The following EBF1 variants were observed in gnomAD, a reference collection of about 807,000 sequenced individuals.
The protein encoded by EBF1 is EBF transcription factor 1, also known as transcription factor COE1.
Under a neutral mutation model 68.4 loss-of-function variants are expected in EBF1, and 10 were observed. The observed-to-expected ratio is 0.15, with a 90% CI of 0.09 to 0.25. The LOEUF (loss-of-function observed/expected upper bound fraction) is 0.25, where lower values mean the gene tolerates loss of function less well. Ranked by LOEUF, EBF1 falls within the 10% of genes least tolerant of loss-of-function variation. The pLI is 1.00. For synonymous variants in EBF1, 298 were observed against 299.8 expected (o/e 0.99, Z 0.06); for missense variants, 509 against 794.4 (o/e 0.64, Z 4.32).
At chr5:159,085,454 T>A (rs1780457806) in intron 4 of EBF1, among the ~76,000 whole-genome samples, 1 of 152,150 alleles carries the variant, frequency 6.6e-6, no homozygotes, top group Non-Finnish European at 1.5e-5. Context: ...GCCCAAATAG[T>A]TTTTTCTATT....
chr5:158,776,250 G>A (rs1411354387), intron 10 of EBF1, among the ~76,000 whole-genome samples: 1 of 151,960 alleles, frequency 6.6e-6, no homozygotes, highest in Non-Finnish European at 1.5e-5. Flanking sequence ...CCTGCATTTT[G>A]TTTAAAGGGC....
In EBF1 at chr5:159,057,696, C is replaced by T. The variant is rs532065227; in HGVS notation, c.554+15700G>A. On this transcript the variant is annotated intron_variant, in intron 6 of 15. Transcript: ENST00000313708. ...GCAACATTGCTGTGCTTCTCTTGGCCTCAGCTTTCTCATCTTTAAAATGAA... is the reference window on the plus strand; with the variant it reads ...GCAACATTGCTGTGCTTCTCTTGGCTTCAGCTTTCTCATCTTTAAAATGAA... Among the ~76,000 whole-genome samples the T allele has an allele frequency of 3.3e-5, 5 of 152,326 alleles. No individual in the cohort carries two copies. The South Asian group carries it at 1.0e-3, about 32-fold the overall frequency.
chr5:158,748,940 A>G (rs1156871350), intron 10 of EBF1, among the ~76,000 whole-genome samples: 1 of 152,176 alleles, frequency 6.6e-6, no homozygotes, highest in Non-Finnish European at 1.5e-5. Flanking sequence ...CTCTCTTGAA[A>G]TATTTGGCCT....
chr5:158,802,754 A>C (rs1780841091), intron 8 of EBF1, among the ~76,000 whole-genome samples: 1 of 152,174 alleles, frequency 6.6e-6, no homozygotes, highest in Non-Finnish European at 1.5e-5. Context: ...AGTTTCCATA[A>C]GGGCACTCAC....
At chr5:158,989,210 TTCCAGCACGAA>T (rs1759772316) in intron 6 of EBF1, among the ~76,000 whole-genome samples, 1 of 152,174 alleles carries the variant, frequency 6.6e-6, no homozygotes, top group Admixed American at 6.5e-5. Context: ...ACCTCTCTTG[TTCCAGCACGAA>T]ACAGAAAAGA....
Position 158,948,518 on chromosome 5 carries a change from A to G in EBF1, c.555-108408T>C, listed in dbSNP as rs183068509. Reference sequence around the variant, plus strand: ...TTTATCTATTCCACTGGGATTAAGCATGGCCTAGAATCCCAGCTTGAAAGG... The same window carrying G: ...TTTATCTATTCCACTGGGATTAAGCGTGGCCTAGAATCCCAGCTTGAAAGG... On this transcript the variant is annotated intron_variant, in intron 6 of 15. Coordinates refer to ENST00000313708, the MANE Select transcript of EBF1 (RefSeq NM_024007.5). Among the ~76,000 whole-genome samples, 78 of 152,216 alleles carry G rather than the reference A, an allele frequency of 5.1e-4. 1 individual carries two copies. The highest frequency in any genetic ancestry group is 5.1e-3 in the Admixed American group (78 of 15,286).
chr5:158,807,181 G>A (rs999974479), intron 8 of EBF1, among the ~76,000 whole-genome samples: 3 of 151,992 alleles, frequency 2.0e-5, no homozygotes, highest in African/African-American at 7.2e-5. Flanking sequence ...CAATATAGGG[G>A]GTGCCCTCCA....
chr5:159,073,310 C>T (rs1778159789), intron 6 of EBF1, 86 bp downstream of exon 6: 1 of 1,438,534 alleles, frequency 7.0e-7, no homozygotes, highest in South Asian at 1.2e-5. Context: ...CACATGCATT[C>T]CTAACCCTCG....
In EBF1 at chr5:158,756,807, G is replaced by A. The variant is rs375081439; in HGVS notation, c.1036+20606C>T. Reference sequence around the variant, plus strand: ...ACAAGCAGAACAGTGTGAAATTCATGCATGTGCCACGGTTTGTGTGTGCCT... The same window carrying A: ...ACAAGCAGAACAGTGTGAAATTCATACATGTGCCACGGTTTGTGTGTGCCT... On this transcript the variant is annotated intron_variant, in intron 10 of 15. Transcript: ENST00000313708. 1.5e-4 allele frequency among the ~76,000 whole-genome samples: 23 copies of A among 151,934 alleles called. 4 individuals carry two copies. The highest frequency in any genetic ancestry group is 2.1e-4 in the South Asian group (1 of 4,798).
At chr5:158,699,932 G>C (rs1756365864) in intron 15 of EBF1, among the ~76,000 whole-genome samples, 1 of 152,236 alleles carries the variant, frequency 6.6e-6, no homozygotes, top group Non-Finnish European at 1.5e-5. Flanking sequence ...GCAGATAGTG[G>C]TATTTAGAGA....
chr5:159,092,503 T>A (rs151167748), intron 4 of EBF1, among the ~76,000 whole-genome samples: 1 of 152,220 alleles, frequency 6.6e-6, no homozygotes, highest in African/African-American at 2.4e-5. Flanking sequence ...AATGAGACAC[T>A]TTGAAAAGGT....
intron 6 of EBF1, among the ~76,000 whole-genome samples, chr5:158,984,527 T>C (rs1758593840): frequency 6.6e-6 from 1 of 152,158 alleles, no homozygotes; most frequent in African/African-American, 2.4e-5. Flanking sequence ...GAGTGCCGTT[T>C]TCAATTTTCT....
intron 6 of EBF1, among the ~76,000 whole-genome samples, chr5:158,936,156 C>G (rs1811976362): frequency 6.6e-6 from 1 of 152,066 alleles, no homozygotes; most frequent in South Asian, 2.1e-4. Context: ...GCTTTTTTGC[C>G]AAGACCAGCA....
At chr5:158,999,413 G>T (rs1007684356) in intron 6 of EBF1, among the ~76,000 whole-genome samples, 1 of 152,146 alleles carries the variant, frequency 6.6e-6, no homozygotes, top group African/African-American at 2.4e-5. Context: ...CCAGTTAAAG[G>T]ATCTGTCTTC....
At chr5:158,735,211 G>A (rs1764926484) in intron 10 of EBF1, among the ~76,000 whole-genome samples, 1 of 152,088 alleles carries the variant, frequency 6.6e-6, no homozygotes, top group African/African-American at 2.4e-5. Context: ...TTGCAGAGCT[G>A]GGATGCAGCT....
intron 1 of EBF1, among the ~76,000 whole-genome samples, chr5:159,098,266 G>C (rs1364139002): frequency 2.0e-5 from 3 of 152,208 alleles, no homozygotes; most frequent in African/African-American, 7.2e-5. Flanking sequence ...GGTGTGCCCA[G>C]GAAAGTTCCC....
chr5:158,871,525 T>G (rs1216741032), intron 6 of EBF1, among the ~76,000 whole-genome samples: 2 of 152,200 alleles, frequency 1.3e-5, no homozygotes, highest in Non-Finnish European at 2.9e-5. Flanking sequence ...GATGGTCACA[T>G]GTCTAGGGAG....
intron 6 of EBF1, among the ~76,000 whole-genome samples, chr5:159,045,137 T>C (rs1399965400): frequency 6.6e-6 from 1 of 152,184 alleles, no homozygotes; most frequent in South Asian, 2.1e-4. Flanking sequence ...GGTTCATTAT[T>C]TAACTTCCGA....
intron 6 of EBF1, among the ~76,000 whole-genome samples, chr5:158,999,263 C>T (rs1762049918): frequency 6.6e-6 from 1 of 152,074 alleles, no homozygotes; most frequent in African/African-American, 2.4e-5. Flanking sequence ...GCAACGGAGA[C>T]ATAACTTCAA....
Sources: gnomAD v4.1 joint callset for allele counts (sites outside exome capture counted in the v4.1 genomes callset) on GRCh38, gnomAD v4.1.1 for gene constraint, MANE v1.5 for transcripts, NCBI Gene and HGNC (gene_info 2026-07-23, HGNC 2026-07-21) for gene names.